The following FLT1 variants were observed in gnomAD, a reference collection of about 807,000 sequenced individuals.
FLT1 encodes fms related receptor tyrosine kinase 1.
Under a neutral mutation model 156.3 loss-of-function variants are expected in FLT1, and 49 were observed. The ratio of observed to expected loss-of-function variants is 0.31; its 90% CI spans 0.25 to 0.40. The LOEUF (loss-of-function observed/expected upper bound fraction) is 0.40, where lower values mean the gene tolerates loss of function less well. FLT1 is among the 10% of genes least tolerant of loss of function. FLT1 has a pLI of 1.00. For missense variants in FLT1, 1,322 were observed against 1,637.2 expected, an observed-to-expected ratio of 0.81 and a Z score of 3.32; for synonymous variants, 594 against 583.8, an observed-to-expected ratio of 1.02 and a Z score of -0.25.
At chr13:28,430,229 G>A (rs1877603058) in intron 7 of FLT1, 62 bp from the exon 8 acceptor site, 1 of 1,201,240 alleles carries the variant, frequency 8.3e-7, no homozygotes, top group Non-Finnish European at 1.2e-6. Context: ...AAAACCTTAG[G>A]GCCTCATTCA....
intron 23 of FLT1, among the ~76,000 whole-genome samples, chr13:28,319,850 CAG>C (rs1207861074): frequency 6.6e-6 from 1 of 152,150 alleles, no homozygotes; most frequent in Non-Finnish European, 1.5e-5. Context: ...GGGACACACT[CAG>C]GGCTTGGAAA....
At chr13:28,415,898 T>C (rs1876618852) in intron 10 of FLT1, among the ~76,000 whole-genome samples, 3 of 152,236 alleles carry the variant, frequency 2.0e-5, no homozygotes, top group African/African-American at 7.2e-5. Flanking sequence ...GATGCAAATA[T>C]ATTTCCTGGG....
Position 28,322,231 on chromosome 13 carries a change from G to A in FLT1, c.3051+31C>T. 7.6e-7 allele frequency: 1 copy of A among 1,307,614 alleles called. No homozygotes were observed. Among genetic ancestry groups the A allele is most frequent in the Middle Eastern group, 1.9e-4 (1 of 5,396 alleles). 81.0% of individuals were successfully genotyped at this position (1,307,614 alleles called of 1,614,324 possible). A position where few individuals can be genotyped will look rare whatever the true frequency, so the allele number is the denominator to read the frequency against. ...CAAAGGTGTGTGTCCAGCCCTGGCAGAGAAGAAAAACAGTAAACAGCAAGA... is the reference window on the plus strand; with the variant it reads ...CAAAGGTGTGTGTCCAGCCCTGGCAAAGAAGAAAAACAGTAAACAGCAAGA... On this transcript the variant is annotated intron_variant, in intron 22 of 29. Transcript: ENST00000282397. This position sits in a 1 kb window ranked among gnomAD's most constrained non-coding sequence, Gnocchi z 4.3.
intron 13 of FLT1, chr13:28,386,426 A>C: frequency 1.3e-5 from 14 of 1,039,936 alleles, no homozygotes; most frequent in Non-Finnish European, 1.6e-5. Context: ...ACAGTTTATC[A>C]TTAGTCTTCT....
intron 1 of FLT1, among the ~76,000 whole-genome samples, chr13:28,470,682 A>G (rs1357024327): frequency 6.6e-6 from 1 of 152,050 alleles, no homozygotes. Context: ...GAGAAGTGCT[A>G]TTTATTTATT....
Position 28,345,431 on chromosome 13 carries a change from A to T in FLT1, c.2355+14T>A, listed in dbSNP as rs778717742. On this transcript the variant is annotated intron_variant, in intron 16 of 29. Coordinates refer to ENST00000282397, the MANE Select transcript of FLT1 (RefSeq NM_002019.4). ...TATGTAAAAAGGAGCATAGAACATC[A>T]CCTATGTTCTTACCCTTTTCATTTT... is the stretch of plus-strand genomic sequence containing the variant. The T allele has an allele frequency of 6.8e-7, 1 of 1,469,018 alleles. No homozygotes were observed. Among genetic ancestry groups the T allele is most frequent in the Non-Finnish European group, 9.5e-7 (1 of 1,050,664 alleles). 91.0% of individuals were successfully genotyped at this position (1,469,018 alleles called of 1,614,324 possible).
At position 28,300,556 on chromosome 13, in the gene FLT1, CAT is replaced by C. The variant is rs57119805; in HGVS notation, c.*2609_*2610del. On this transcript the variant is annotated 3_prime_UTR_variant, in exon 30 of 30. Coordinates refer to ENST00000282397, the MANE Select transcript of FLT1 (RefSeq NM_002019.4). ...ACACACACACACACACACACACACA[CAT>C]ACAGTTACACCACTGTCGGCCAAAG... is the stretch of plus-strand genomic sequence containing the variant. 310 of 217,740 alleles carry C rather than the reference CAT, an allele frequency of 1.4e-3. No individual in the cohort carries two copies. Among genetic ancestry groups the C allele is most frequent in the African/African-American group, 7.0e-3 (288 of 41,084 alleles). The allele number at this position is 217,740 out of a possible 1,614,324, so 13.5% of individuals were successfully genotyped here.
At chr13:28,410,027 C>T (rs78893154) in intron 10 of FLT1, among the ~76,000 whole-genome samples, 161 of 152,320 alleles carry the variant, frequency 1.1e-3, no homozygotes, top group African/African-American at 3.8e-3. Context: ...TGTCACCCTG[C>T]AGTTCCTGAA....
At chr13:28,412,373 T>TTTC (rs1198441107) in intron 10 of FLT1, among the ~76,000 whole-genome samples, 2 of 126,272 alleles carry the variant, frequency 1.6e-5, no homozygotes, top group African/African-American at 3.1e-5. Flanking sequence ...TCTTTCTTTC[T>TTTC]TTCTTTCTTT....
intron 1 of FLT1, among the ~76,000 whole-genome samples, chr13:28,469,923 T>G (rs1329347857): frequency 6.6e-6 from 1 of 152,022 alleles, no homozygotes; most frequent in East Asian, 1.9e-4. Context: ...TGGCTAATTT[T>G]TTGTATTTTT....
intron 11 of FLT1, chr13:28,398,997 T>C: frequency 7.6e-7 from 1 of 1,311,596 alleles, no homozygotes. Flanking sequence ...ACATAAAAAA[T>C]TCTGAATAGC....
At chr13:28,359,221 G>T (rs1873020589) in intron 14 of FLT1, among the ~76,000 whole-genome samples, 1 of 152,188 alleles carries the variant, frequency 6.6e-6, no homozygotes, top group African/African-American at 2.4e-5. Context: ...CAAGGGCCCA[G>T]AAATCAACCC....
At chr13:28,339,737 CT>C (rs1378477235) in intron 16 of FLT1, among the ~76,000 whole-genome samples, 8 of 152,192 alleles carry the variant, frequency 5.3e-5, no homozygotes, top group Admixed American at 5.2e-4. Flanking sequence ...CGCACTGTGG[CT>C]TTTCTACATA....
Position 28,389,894 on chromosome 13 carries a change from A to G in FLT1, c.1871T>C (p.Met624Thr). Residue 624 changes from methionine (M) to threonine (T), a missense_variant, in exon 13 of 30, where the codon ATG (methionine) becomes ACG (threonine). Around this residue, in one of 3 missense-constraint regions of FLT1, gnomAD observed 991 missense variants for 1,254.8 expected, o/e 0.79. Transcript: ENST00000282397. ...EHSITLNLTI[M>T]NVSLQDSGTY... is the part of the protein sequence containing the mutation. The stretch of plus-strand genomic sequence containing the variant: ...GCCTGAATCTTGCAGGGAAACATTC[A>G]TGATGGTAAGATTAAGAGTGATGGA... 6.2e-7 allele frequency: 1 copy of G among 1,614,090 alleles called. No individual in the cohort carries two copies. Among genetic ancestry groups the G allele is most frequent in the Non-Finnish European group, 8.5e-7 (1 of 1,180,002 alleles).
Position 28,375,931 on chromosome 13 carries a change from A to G in FLT1, c.2116+8954T>C, listed in dbSNP as rs566141831. 2.6e-5 allele frequency among the ~76,000 whole-genome samples: 4 copies of G among 152,372 alleles called. No individual in the cohort carries two copies. In the South Asian group the frequency reaches 8.3e-4, roughly 32 times the overall value. ...AACTACAACTCAAGTTTTGCAAAAG[A>G]TATTTGACATTTCTGAATTTCATTA... On this transcript the variant is annotated intron_variant, in intron 14 of 29. Transcript: ENST00000282397.
chr13:28,431,377 TAAC>T, intron 6 of FLT1, 67 bp from the exon 7 acceptor site: 1 of 1,139,628 alleles, frequency 8.8e-7, no homozygotes, highest in Admixed American at 1.8e-5. Context: ...TATAGGATTT[TAAC>T]ATTTCTTAGA....
At chr13:28,306,992 C>T (rs959267077) in intron 28 of FLT1, among the ~76,000 whole-genome samples, 1 of 152,190 alleles carries the variant, frequency 6.6e-6, no homozygotes, top group Non-Finnish European at 1.5e-5. Flanking sequence ...CCTTCCTGAA[C>T]ATGAAGTAAA....
chr13:28,362,851 AG>A (rs1206740647), intron 14 of FLT1, among the ~76,000 whole-genome samples: 1 of 152,136 alleles, frequency 6.6e-6, no homozygotes, highest in East Asian at 1.9e-4. Context: ...TGGGGTGAGA[AG>A]GTGTCCAAAT....
chr13:28,391,363 CAA>C (rs1874701088), intron 12 of FLT1, among the ~76,000 whole-genome samples: 1 of 152,214 alleles, frequency 6.6e-6, no homozygotes, highest in African/African-American at 2.4e-5. Flanking sequence ...CCATTCTCTT[CAA>C]AGTCATCCCT....
Sources: allele counts gnomAD v4.1 joint callset (sites outside exome capture counted in the v4.1 genomes callset), GRCh38; gene constraint gnomAD v4.1.1; regional missense constraint gnomAD v4.1.1; non-coding constraint Gnocchi (gnomAD v3.1); transcripts MANE v1.5; gene names NCBI Gene and HGNC (gene_info 2026-07-23, HGNC 2026-07-21).